The following NELL1 variants were observed in gnomAD, a reference collection of about 807,000 sequenced individuals.
The protein encoded by NELL1 is protein kinase C-binding protein NELL1.
A neutral mutation model predicts 107.4 loss-of-function variants in NELL1; 76 were observed. That is an observed-to-expected ratio of 0.71 (90% confidence interval 0.59 to 0.86). The LOEUF (loss-of-function observed/expected upper bound fraction) is 0.86, where lower values mean the gene tolerates loss of function less well. Ranked by LOEUF, NELL1 falls within the 40% of genes least tolerant of loss-of-function variation. The pLI, the probability that NELL1 is intolerant of heterozygous loss-of-function variation, is 0.00. For missense variants in NELL1, 1,024 were observed against 1,005.5 expected (o/e 1.02, Z -0.25); for synonymous variants, 353 against 341.2 (o/e 1.03, Z -0.38).
intron 13 of NELL1, among the ~76,000 whole-genome samples, chr11:21,173,979 T>A (rs1856660330): frequency 6.6e-6 from 1 of 151,814 alleles, no homozygotes; most frequent in African/African-American, 2.4e-5. Flanking sequence ...TGCATTAATT[T>A]ATTTAATCCT....
chr11:21,074,869 G>A (rs1300237931), intron 12 of NELL1, among the ~76,000 whole-genome samples: 1 of 152,152 alleles, frequency 6.6e-6, no homozygotes, highest in South Asian at 2.1e-4. Context: ...TTTCAGTAGT[G>A]TCAATGAATG....
At chr11:21,087,761 A>G (rs1255979892) in intron 12 of NELL1, among the ~76,000 whole-genome samples, 1 of 152,160 alleles carries the variant, frequency 6.6e-6, no homozygotes, top group East Asian at 1.9e-4. Context: ...GGTTTTTTAA[A>G]AAATTGATAT....
chr11:21,442,872 G>T (rs138712141), intron 15 of NELL1, among the ~76,000 whole-genome samples: 1,641 of 148,936 alleles, frequency 0.011, 72 homozygotes, highest in Admixed American at 0.078. Context: ...AACAATTTGA[G>T]ACCCTGAGAT....
At chr11:20,707,643 C>G (rs1001789745) in intron 2 of NELL1, among the ~76,000 whole-genome samples, 2 of 152,172 alleles carry the variant, frequency 1.3e-5, no homozygotes, top group Admixed American at 6.5e-5. Context: ...CATTCCAGAC[C>G]CTGTTTGCCT....
At chr11:20,804,826 A>G (rs978795359) in intron 3 of NELL1, among the ~76,000 whole-genome samples, 26 of 152,152 alleles carry the variant, frequency 1.7e-4, no homozygotes, top group African/African-American at 5.1e-4. Context: ...ACTAAGTCCA[A>G]TGTTTTCTTT....
At chr11:21,232,182 T>A (rs1469048697) in intron 14 of NELL1, among the ~76,000 whole-genome samples, 2 of 124,808 alleles carry the variant, frequency 1.6e-5, no homozygotes, top group Non-Finnish European at 3.5e-5. Flanking sequence ...ATATATAAAT[T>A]AGCTGGGCGT....
intron 13 of NELL1, among the ~76,000 whole-genome samples, chr11:21,160,704 A>G (rs993379514): frequency 2.0e-5 from 3 of 152,258 alleles, no homozygotes; most frequent in East Asian, 3.9e-4. Context: ...TGAGCAATGG[A>G]TATTCTATTT....
intron 4 of NELL1, among the ~76,000 whole-genome samples, chr11:20,849,853 T>A (rs1848764661): frequency 6.6e-6 from 1 of 152,126 alleles, no homozygotes; most frequent in Non-Finnish European, 1.5e-5. Context: ...CTGGGGAACA[T>A]ATTAAAAAAA....
At chr11:20,729,475 T>C (rs1855581733) in intron 2 of NELL1, among the ~76,000 whole-genome samples, 1 of 152,198 alleles carries the variant, frequency 6.6e-6, no homozygotes, top group African/African-American at 2.4e-5. Context: ...TTTTGAGTTA[T>C]GTCCCTTTGA....
intron 10 of NELL1, among the ~76,000 whole-genome samples, chr11:20,946,725 C>T (rs1381112274): frequency 6.6e-6 from 1 of 152,146 alleles, no homozygotes; most frequent in African/African-American, 2.4e-5. Flanking sequence ...TTCTATGACA[C>T]ATTATAATAC....
At chr11:20,988,200 A>T (rs1214328171) in intron 12 of NELL1, among the ~76,000 whole-genome samples, 1 of 152,112 alleles carries the variant, frequency 6.6e-6, no homozygotes, top group Non-Finnish European at 1.5e-5. Context: ...TCACATAGGG[A>T]TGGACTGTAC....
At chr11:20,746,678 G>A (rs1217036506) in intron 2 of NELL1, among the ~76,000 whole-genome samples, 4 of 151,952 alleles carry the variant, frequency 2.6e-5, no homozygotes, top group Non-Finnish European at 5.9e-5. Flanking sequence ...AAAGGACATT[G>A]AAGGTGAAAT....
chr11:20,744,122 C>G (rs937542161), intron 2 of NELL1, among the ~76,000 whole-genome samples: 1 of 152,180 alleles, frequency 6.6e-6, no homozygotes, highest in Non-Finnish European at 1.5e-5. Flanking sequence ...TTCCAAGCTA[C>G]TATCATTTCT....
intron 12 of NELL1, among the ~76,000 whole-genome samples, chr11:21,084,636 G>A (rs1854346895): frequency 6.6e-6 from 1 of 152,136 alleles, no homozygotes; most frequent in African/African-American, 2.4e-5. Context: ...GGCACCAGGG[G>A]CATTTCCGGA....
chr11:21,427,383 G>C (rs1003889233), intron 15 of NELL1, among the ~76,000 whole-genome samples: 1 of 152,200 alleles, frequency 6.6e-6, no homozygotes, highest in Non-Finnish European at 1.5e-5. Flanking sequence ...AAAGGGGAAA[G>C]TCTTTGTTGT....
chr11:20,700,967 A>G (rs986847261), intron 2 of NELL1, among the ~76,000 whole-genome samples: 1 of 152,194 alleles, frequency 6.6e-6, no homozygotes, highest in Admixed American at 6.5e-5. Context: ...CACAATAAAC[A>G]TACGTGTGCA....
At chr11:20,893,379 T>TTAA (rs1200816137) in intron 5 of NELL1, among the ~76,000 whole-genome samples, 1 of 150,002 alleles carries the variant, frequency 6.7e-6, no homozygotes, top group East Asian at 1.9e-4. Flanking sequence ...GTTTTTTTTT[T>TTAA]TAATAAATAA....
At chr11:21,166,489 G>T (rs1476788238) in intron 13 of NELL1, among the ~76,000 whole-genome samples, 1 of 151,818 alleles carries the variant, frequency 6.6e-6, no homozygotes, top group Non-Finnish European at 1.5e-5. Flanking sequence ...AAGAATAAAT[G>T]CTTGTCATGA....
At chr11:20,867,333 A>C (rs1393139708) in intron 4 of NELL1, among the ~76,000 whole-genome samples, 2 of 152,222 alleles carry the variant, frequency 1.3e-5, no homozygotes, top group African/African-American at 2.4e-5. Context: ...TCATGGGTTT[A>C]ACTGAAGTAA....
Sources: gnomAD v4.1 joint callset for allele counts (sites outside exome capture counted in the v4.1 genomes callset) on GRCh38, gnomAD v4.1.1 for gene constraint, MANE v1.5 for transcripts, NCBI Gene and HGNC (gene_info 2026-07-23, HGNC 2026-07-21) for gene names.